Variants in SPTBN4 observed in about 807,000 individuals in gnomAD.
SPTBN4 encodes spectrin beta, non-erythrocytic 4.
In SPTBN4, 96 loss-of-function variants were observed where a neutral mutation model predicts 277.8. The observed-to-expected ratio is 0.35, with a 90% CI of 0.29 to 0.41. SPTBN4 has a LOEUF of 0.41. Among genes scored for constraint, SPTBN4 ranks in the 10% least tolerant of loss-of-function variants. The pLI is 1.00. For synonymous variants in SPTBN4, 1,481 were observed against 1,580.3 expected (o/e 0.94, Z 1.49); for missense variants, 3,006 against 3,595.7 (o/e 0.84, Z 4.19).
At chr19:40,544,090 T>C (rs1320909951) in intron 20 of SPTBN4, among the ~76,000 whole-genome samples, 1 of 152,054 alleles carries the variant, frequency 6.6e-6, no homozygotes, top group Non-Finnish European at 1.5e-5. Flanking sequence ...TAAATTTATA[T>C]TCATAGGTAG....
chr19:40,570,258 C>T (rs1294187110), intron 32 of SPTBN4, among the ~76,000 whole-genome samples, 178 bp from the exon 33 acceptor site: 2 of 152,046 alleles, frequency 1.3e-5, no homozygotes, highest in African/African-American at 2.4e-5. Context: ...AACAGACTCA[C>T]TCCCAAGACC....
chr19:40,532,130 G>A (rs2080682158), intron 18 of SPTBN4, among the ~76,000 whole-genome samples: 1 of 151,718 alleles, frequency 6.6e-6, no homozygotes, highest in Non-Finnish European at 1.5e-5. Flanking sequence ...GCTAGATATG[G>A]GGGCTTCATT....
intron 12 of SPTBN4, 80 bp from the exon 13 acceptor site, chr19:40,506,156 G>C (rs1323368974): frequency 1.3e-6 from 2 of 1,519,552 alleles, no homozygotes; most frequent in Non-Finnish European, 1.8e-6. Flanking sequence ...AGAGTAGCAG[G>C]GGCTGGCATA....
In SPTBN4 at chr19:40,535,434, G is replaced by A. The variant is rs1450414799; in HGVS notation, c.4359+1091G>A. Among the ~76,000 whole-genome samples the A allele has an allele frequency of 5.3e-5, 8 of 152,150 alleles. No individual in the cohort carries two copies. In the East Asian group the frequency reaches 1.5e-3, roughly 29 times the overall value. On this transcript the variant is annotated intron_variant, in intron 20 of 35. Coordinates refer to ENST00000598249, the MANE Select transcript of SPTBN4 (RefSeq NM_020971.3). The stretch of plus-strand genomic sequence containing the variant: ...GAAACTGAGGTTCCAGGAGGTGAGA[G>A]GTGAACTTACTTGTCCAGAGTAGCA...
chr19:40,540,081 C>T (rs1175647182), intron 20 of SPTBN4, among the ~76,000 whole-genome samples: 1 of 151,870 alleles, frequency 6.6e-6, no homozygotes, highest in East Asian at 1.9e-4. Context: ...CACCCGCCAC[C>T]ATACCCGGCT....
intron 1 of SPTBN4, among the ~76,000 whole-genome samples, chr19:40,470,302 T>C (rs1263126811): frequency 6.7e-6 from 1 of 150,136 alleles, no homozygotes; most frequent in Admixed American, 6.6e-5. Context: ...CCCGGCCTAT[T>C]TTTATTTTTT....
chr19:40,555,616 C>T (rs1166879563), intron 24 of SPTBN4, among the ~76,000 whole-genome samples: 2 of 151,822 alleles, frequency 1.3e-5, no homozygotes, highest in African/African-American at 4.8e-5. Context: ...GCTTTCTGAA[C>T]CCAAGACTTG....
At chr19:40,480,005 A>T (rs1410240576) in intron 2 of SPTBN4, among the ~76,000 whole-genome samples, 1 of 151,844 alleles carries the variant, frequency 6.6e-6, no homozygotes, top group African/African-American at 2.4e-5. Context: ...TAATCCCAGC[A>T]CTTTGGGAGG....
At chr19:40,481,691 G>T (rs1258311599) in intron 2 of SPTBN4, among the ~76,000 whole-genome samples, 9 of 152,190 alleles carry the variant, frequency 5.9e-5, no homozygotes, top group Non-Finnish European at 1.5e-5. Flanking sequence ...GGCCAGGCTG[G>T]TCTCGAACTC....
At chr19:40,476,173 T>G (rs549521299) in intron 2 of SPTBN4, among the ~76,000 whole-genome samples, 1 of 151,480 alleles carries the variant, frequency 6.6e-6, no homozygotes, top group East Asian at 2.0e-4. Flanking sequence ...GGCAAAACCC[T>G]GTCTCTATTA....
At chr19:40,536,497 A>G (rs1467287437) in intron 20 of SPTBN4, among the ~76,000 whole-genome samples, 1 of 152,010 alleles carries the variant, frequency 6.6e-6, no homozygotes, top group African/African-American at 2.4e-5. Context: ...TACAGGTGTG[A>G]GCCACTGTGC....
Position 40,534,149 on chromosome 19 carries a change from C to T in SPTBN4, c.4165C>T (p.Arg1389Cys), listed in dbSNP as rs1342492304. 4.3e-6 allele frequency: 7 copies of T among 1,612,812 alleles called. No homozygotes were observed. The highest frequency in any genetic ancestry group is 5.9e-6 in the Non-Finnish European group (7 of 1,179,502). The change falls in exon 20 of 36, where the codon CGC becomes TGC. Residue 1389 changes from arginine (R) to cysteine (C), a missense_variant. By Grantham distance (180) the Arg-to-Cys change is radical. This residue lies in a region of SPTBN4 where 1,759 missense variants were observed against 2,061.5 expected (regional missense o/e 0.85). Transcript: ENST00000598249. ...ASVRKKLGEIRQCWAELESTT... is the reference protein window; with the variant it reads ...ASVRKKLGEICQCWAELESTT... ...CGTGCGGAAGAAGCTGGGCGAGATC[C>T]GCCAGTGCTGGGCGGAGCTGGAGAG...
At chr19:40,572,610 A>G (rs749028697) in intron 35 of SPTBN4, 2 of 573,412 alleles carry the variant, frequency 3.5e-6, no homozygotes, top group South Asian at 4.3e-5. Context: ...ACAAAGTCCA[A>G]CATCTTTGCC....
chr19:40,566,116 A>G, intron 29 of SPTBN4, 47 bp from the exon 30 acceptor site: 8 of 1,450,526 alleles, frequency 5.5e-6, no homozygotes, highest in Non-Finnish European at 7.3e-6. Context: ...GCCCCCAGGA[A>G]GGGCCCCAGA....
intron 18 of SPTBN4, among the ~76,000 whole-genome samples, chr19:40,530,282 A>T (rs1294821352): frequency 6.6e-6 from 1 of 151,674 alleles, no homozygotes; most frequent in Non-Finnish European, 1.5e-5. Flanking sequence ...AGCACCCCCC[A>T]TCCCTCATGA....
chr19:40,550,458 C>A, intron 22 of SPTBN4, 131 bp downstream of exon 22: 2 of 742,746 alleles, frequency 2.7e-6, no homozygotes, highest in Non-Finnish European at 4.4e-6. Context: ...ACAGCAGATA[C>A]AGATGTATCC....
intron 35 of SPTBN4, among the ~76,000 whole-genome samples, chr19:40,573,079 C>T (rs2081169805): frequency 6.6e-6 from 1 of 152,228 alleles, no homozygotes; most frequent in South Asian, 2.1e-4. Flanking sequence ...GAGGCCAAGG[C>T]AGGAGACTGC....
chr19:40,514,526 G>A (rs2080432151), intron 14 of SPTBN4, among the ~76,000 whole-genome samples: 1 of 152,240 alleles, frequency 6.6e-6, no homozygotes, highest in Non-Finnish European at 1.5e-5. Context: ...AAAGCCCAGG[G>A]CTCTGGCCTG....
chr19:40,507,329 TA>T (rs902306490), intron 13 of SPTBN4, among the ~76,000 whole-genome samples: 143 of 142,030 alleles, frequency 1.0e-3, no homozygotes, highest in African/African-American at 2.0e-3. Context: ...AAAAATAAAA[TA>T]AAAAAAAAAA....
Sources: gnomAD v4.1 joint callset for allele counts (sites outside exome capture counted in the v4.1 genomes callset) on GRCh38, gnomAD v4.1.1 for gene constraint, gnomAD v4.1.1 regional missense constraint, MANE v1.5 for transcripts, NCBI Gene and HGNC (gene_info 2026-07-23, HGNC 2026-07-21) for gene names.